The following TMEM131 variants were observed in gnomAD, a reference collection of about 807,000 sequenced individuals.
The protein encoded by TMEM131 is 2610524E03Rik.
TMEM131 carries 66 observed loss-of-function variants against 211.6 expected under a neutral mutation model. The ratio of observed to expected loss-of-function variants is 0.31; its 90% CI spans 0.26 to 0.38. The LOEUF (loss-of-function observed/expected upper bound fraction) is 0.38. TMEM131 is among the 10% of genes least tolerant of loss of function. TMEM131 has a pLI of 1.00. For synonymous variants in TMEM131, 844 were observed against 841.3 expected (o/e 1.00, Z -0.06); for missense variants, 2,036 against 2,299.3 (o/e 0.89, Z 2.34).
intron 11 of TMEM131, among the ~76,000 whole-genome samples, chr2:97,828,524 C>T (rs1682506179): frequency 6.6e-6 from 1 of 152,170 alleles, no homozygotes; most frequent in Non-Finnish European, 1.5e-5. Context: ...TTATCTACAT[C>T]ATTATCCTAC....
At chr2:97,788,506 C>G (rs561528070) in intron 31 of TMEM131, among the ~76,000 whole-genome samples, 1 of 152,354 alleles carries the variant, frequency 6.6e-6, no homozygotes, top group African/African-American at 2.4e-5. Flanking sequence ...CTCTCCATCT[C>G]TACCAACTCA....
intron 19 of TMEM131, among the ~76,000 whole-genome samples, chr2:97,808,074 A>G (rs1437172090): frequency 6.6e-6 from 1 of 152,192 alleles, no homozygotes; most frequent in Admixed American, 6.5e-5. Flanking sequence ...TTGGGGACAG[A>G]ACCCAAGTCT....
In TMEM131 at chr2:97,813,976, A is replaced by G; in HGVS notation, c.1612T>C (p.Leu538=). 6.3e-7 allele frequency: 1 copy of G among 1,584,654 alleles called. No homozygotes were observed. The highest frequency in any genetic ancestry group is 1.2e-5 in the South Asian group (1 of 86,004). ...HLPVRVYTGF[L]DYFVLPPKIE... is the part of the protein sequence containing the mutation. ...AAGATGGATAATATACTTACATCTA[A>G]AAAGCCTGTGTATACCCGCACGGGT... The change falls in exon 15 of 41, where the codon TTA becomes CTA. Residue 538 remains leucine (L), a synonymous_variant. Coordinates refer to ENST00000186436, the MANE Select transcript of TMEM131 (RefSeq NM_015348.2).
rs555642797 is a variant in TMEM131 at position 97,887,359 on chromosome 2, C to T, written c.359+693G>A. ...TCAGCTGGTCTGGAGGTGTGTCTGC[C>T]GGTGGTTGCCCACAGGGCTGTTTTT... On this transcript the variant is annotated intron_variant, in intron 4 of 40. Coordinates refer to ENST00000186436, the MANE Select transcript of TMEM131 (RefSeq NM_015348.2). Among the ~76,000 whole-genome samples, 5 of 152,272 alleles carry T rather than the reference C, an allele frequency of 3.3e-5. No homozygotes were observed. The South Asian group carries it at 6.2e-4, about 19-fold the overall frequency.
At chr2:97,852,327 T>C (rs1273239680) in intron 5 of TMEM131, among the ~76,000 whole-genome samples, 1 of 151,982 alleles carries the variant, frequency 6.6e-6, no homozygotes, top group Non-Finnish European at 1.5e-5. Context: ...ACACCCAATT[T>C]TTGTATTTTT....
chr2:97,861,645 G>A (rs1473127894), intron 4 of TMEM131, among the ~76,000 whole-genome samples: 1 of 151,838 alleles, frequency 6.6e-6, no homozygotes, highest in African/African-American at 2.4e-5. Context: ...TGTGGAAAGG[G>A]GAGGGAAGAG....
chr2:97,924,722 T>G (rs1173840654), intron 2 of TMEM131, among the ~76,000 whole-genome samples: 1 of 152,220 alleles, frequency 6.6e-6, no homozygotes, highest in East Asian at 1.9e-4. Flanking sequence ...GGGGCTGAGA[T>G]GCTCCAGGTT....
At chr2:97,778,762 CTG>C (rs1016507690) in intron 31 of TMEM131, among the ~76,000 whole-genome samples, 11 of 152,178 alleles carry the variant, frequency 7.2e-5, no homozygotes, top group Non-Finnish European at 1.5e-4. Flanking sequence ...CCACTGGACA[CTG>C]TAGAATGTAG....
intron 7 of TMEM131, 44 bp downstream of exon 7, chr2:97,841,770 TC>T: frequency 6.5e-7 from 1 of 1,527,840 alleles, no homozygotes; most frequent in Non-Finnish European, 8.8e-7. Context: ...AAGCATTAAT[TC>T]CCACCAAAAT....
At position 97,805,222 on chromosome 2, in the gene TMEM131, T is replaced by C. The variant is rs1190014828; in HGVS notation, c.2285-17A>G. On this transcript the variant is annotated splice_polypyrimidine_tract_variant and intron_variant, in intron 21 of 40. Coordinates refer to ENST00000186436, the MANE Select transcript of TMEM131 (RefSeq NM_015348.2). ...TGGGTTCAGCTAAAACAAGGAAACATACTTAACCTGCATCTATACTCACTT... is the reference window on the plus strand; with the variant it reads ...TGGGTTCAGCTAAAACAAGGAAACACACTTAACCTGCATCTATACTCACTT... The C allele has an allele frequency of 1.2e-6, 2 of 1,605,210 alleles. No homozygotes were observed. Among genetic ancestry groups the C allele is most frequent in the African/African-American group, 1.3e-5 (1 of 74,602 alleles).
chr2:97,817,788 T>C (rs551106296), intron 12 of TMEM131, among the ~76,000 whole-genome samples: 9 of 152,292 alleles, frequency 5.9e-5, no homozygotes, highest in Admixed American at 5.9e-4. Context: ...CCTACATTCA[T>C]TGATCAAATA....
In TMEM131 at chr2:97,767,133, G is replaced by C. The variant is rs532971258; in HGVS notation, c.4449-531C>G. ...GAGCTAAGTTCCTGGTTACTACAGG[G>C]AGTGGGCTAGGATGAATTTTCTTCC... is the stretch of plus-strand genomic sequence containing the variant. On this transcript the variant is annotated intron_variant, in intron 33 of 40. Coordinates refer to ENST00000186436, the MANE Select transcript of TMEM131 (RefSeq NM_015348.2). 5.9e-5 allele frequency among the ~76,000 whole-genome samples: 9 copies of C among 152,314 alleles called. No individual in the cohort carries two copies. The East Asian group carries it at 9.7e-4, about 16-fold the overall frequency.
At chr2:97,989,173 A>G (rs1680155840) in intron 1 of TMEM131, among the ~76,000 whole-genome samples, 1 of 151,934 alleles carries the variant, frequency 6.6e-6, no homozygotes, top group South Asian at 2.1e-4. Context: ...ATTGAAATAT[A>G]TGTATGTTGT....
intron 11 of TMEM131, among the ~76,000 whole-genome samples, chr2:97,819,143 G>A (rs961846470): frequency 6.6e-6 from 1 of 152,214 alleles, no homozygotes; most frequent in Non-Finnish European, 1.5e-5. Flanking sequence ...ACATGAACTT[G>A]GAAGCTGGTG....
chr2:97,951,022 G>A (rs1364988735), intron 1 of TMEM131, among the ~76,000 whole-genome samples: 1 of 152,164 alleles, frequency 6.6e-6, no homozygotes, highest in Non-Finnish European at 1.5e-5. Context: ...ATTTACCAGA[G>A]TTGCACATTT....
intron 25 of TMEM131, among the ~76,000 whole-genome samples, chr2:97,798,412 T>C (rs1680871467): frequency 6.6e-6 from 1 of 152,242 alleles, no homozygotes; most frequent in Admixed American, 6.5e-5. Flanking sequence ...TGTTTTCTAC[T>C]CCCCCTGGCA....
At position 97,766,205 on chromosome 2, in the gene TMEM131, A is replaced by C; in HGVS notation, c.4632T>G (p.Ser1544Arg). 1 of 1,614,026 alleles carries C rather than the reference A, an allele frequency of 6.2e-7. No individual in the cohort carries two copies. The highest frequency in any genetic ancestry group is 8.5e-7 in the Non-Finnish European group (1 of 1,179,894). The stretch of plus-strand genomic sequence containing the variant: ...AGCTACTGGTGTTGCCTAATTCTTG[A>C]CTATTCGGGAGGAATTTTGCTAGGG... The part of the protein sequence containing the change: ...PPALAKFLPN[S>R]QELGNTSSSE... The change falls in exon 35 of 41, where the codon AGT (serine) becomes AGG (arginine). Residue 1544 changes from serine (S) to arginine (R), a missense_variant. This residue lies in a region of TMEM131 where 1,623 missense variants were observed against 1,805.9 expected (regional missense o/e 0.90). Coordinates refer to ENST00000186436, the MANE Select transcript of TMEM131 (RefSeq NM_015348.2).
chr2:97,763,201 C>A (rs1319809460), intron 35 of TMEM131: 1 of 84,160 alleles, frequency 1.2e-5, no homozygotes, highest in Admixed American at 1.1e-4. Flanking sequence ...TCCCTGGTCA[C>A]ACCCTGTAGC....
intron 4 of TMEM131, among the ~76,000 whole-genome samples, chr2:97,867,167 G>C (rs1259842194): frequency 6.6e-6 from 1 of 152,186 alleles, no homozygotes; most frequent in African/African-American, 2.4e-5. Flanking sequence ...TTCTGTTGTT[G>C]AGCATGGTGT....
Sources: allele counts gnomAD v4.1 joint callset (sites outside exome capture counted in the v4.1 genomes callset), GRCh38; gene constraint gnomAD v4.1.1; regional missense constraint gnomAD v4.1.1; transcripts MANE v1.5; gene names NCBI Gene and HGNC (gene_info 2026-07-23, HGNC 2026-07-21).